The following CTBP2 variants were observed in gnomAD, a reference collection of about 807,000 sequenced individuals.
The protein encoded by CTBP2 is C-terminal-binding protein 2.
Under a neutral mutation model 80.3 loss-of-function variants are expected in CTBP2, and 30 were observed. The ratio of observed to expected loss-of-function variants is 0.37; its 90% CI spans 0.28 to 0.51. CTBP2 has a LOEUF of 0.51. Ranked by LOEUF, CTBP2 falls within the 20% of genes least tolerant of loss-of-function variation. The pLI, the probability that CTBP2 is intolerant of heterozygous loss-of-function variation, is 0.93. For synonymous variants in CTBP2, 594 were observed against 587.4 expected (o/e 1.01, Z -0.16); for missense variants, 1,212 against 1,375.3 (o/e 0.88, Z 1.88).
chr10:125,121,770 C>G (rs1037644223), intron 1 of CTBP2, among the ~76,000 whole-genome samples: 1 of 152,242 alleles, frequency 6.6e-6, no homozygotes, highest in Non-Finnish European at 1.5e-5. Flanking sequence ...AGACCATCAG[C>G]AACAAACTCC....
In CTBP2 at chr10:124,987,515, C is replaced by G. The variant is rs1201552041; in HGVS notation, c.*2003G>C. The stretch of plus-strand genomic sequence containing the variant: ...CACATATTCGTGAAGGTAAGATATT[C>G]TGTGTGCGCTTGGCCTCCTTTTCAC... On this transcript the variant is annotated 3_prime_UTR_variant, in exon 9 of 9. Coordinates refer to ENST00000309035, the MANE Select transcript of CTBP2 (RefSeq NM_022802.3). 3 of 152,314 alleles carry G rather than the reference C, an allele frequency of 2.0e-5. No individual in the cohort carries two copies. Among genetic ancestry groups the G allele is most frequent in the East Asian group, 3.9e-4 (2 of 5,184 alleles). The allele number at this position is 152,314 out of a possible 1,614,324, so 9.4% of individuals were successfully genotyped here.
chr10:125,031,411 C>CA (rs1958177861), upstream of CTBP2, among the ~76,000 whole-genome samples: 1 of 145,694 alleles, frequency 6.9e-6, no homozygotes, highest in African/African-American at 2.6e-5. Context: ...ATGGCGTGAA[C>CA]CCGGGAGGTG....
intron 1 of CTBP2, chr10:125,159,755 G>A (rs1389925146): frequency 7.0e-6 from 1 of 143,196 alleles, no homozygotes; most frequent in Non-Finnish European, 1.5e-5. Context: ...GCCGCACCCC[G>A]GCGCGCTCGG....
intron 2 of CTBP2, among the ~76,000 whole-genome samples, chr10:125,063,044 G>A (rs1038757985): frequency 1.3e-5 from 2 of 152,178 alleles, no homozygotes; most frequent in Non-Finnish European, 2.9e-5. Flanking sequence ...CCAAAGAAAG[G>A]ACAGCTCCCC....
At chr10:125,146,733 A>G (rs1040092505) in intron 1 of CTBP2, among the ~76,000 whole-genome samples, 1 of 152,100 alleles carries the variant, frequency 6.6e-6, no homozygotes, top group Non-Finnish European at 1.5e-5. Context: ...CCTACTATTC[A>G]CACCTGGAGC....
At chr10:125,047,998 C>T (rs780431253) in intron 2 of CTBP2, among the ~76,000 whole-genome samples, 2 of 152,156 alleles carry the variant, frequency 1.3e-5, no homozygotes, top group Non-Finnish European at 2.9e-5. Flanking sequence ...GGCCTGGAAT[C>T]CTCGACTGAT....
intron 1 of CTBP2, among the ~76,000 whole-genome samples, chr10:125,022,449 G>C (rs1378407638): frequency 6.6e-6 from 1 of 152,208 alleles, no homozygotes; most frequent in Non-Finnish European, 1.5e-5. Context: ...AGGTCAATGA[G>C]GAAGGATGGA....
At chr10:124,999,124 A>C (rs1458032650) in intron 3 of CTBP2, 1 of 152,330 alleles carries the variant, frequency 6.6e-6, no homozygotes, top group Non-Finnish European at 1.5e-5. Context: ...AGCAGAGACC[A>C]GAGGGGCCGA....
chr10:125,068,848 T>G (rs1845029167), intron 2 of CTBP2, among the ~76,000 whole-genome samples: 1 of 152,188 alleles, frequency 6.6e-6, no homozygotes. Flanking sequence ...CAGGGTTGCT[T>G]TGCCCTGCTG....
chr10:125,100,025 T>C (rs926137769), intron 2 of CTBP2, among the ~76,000 whole-genome samples: 1 of 152,248 alleles, frequency 6.6e-6, no homozygotes, highest in Non-Finnish European at 1.5e-5. Context: ...AGATCACACA[T>C]AGACTCTGAA....
rs113218897 is a variant in CTBP2, at chr10:125,069,598, C to G, written c.-101-30443G>C. Among the ~76,000 whole-genome samples, 409 of 152,234 alleles carry G rather than the reference C, an allele frequency of 2.7e-3. 2 individuals carry two copies. The highest frequency in any genetic ancestry group is 5.6e-3 in the Admixed American group (86 of 15,288). ...TCGTGCCATTGCACACCAGCCTGGG[C>G]GACAGAGTGAGACTTCATCTCAAAC... is the stretch of plus-strand genomic sequence containing the variant. On this transcript the variant is annotated intron_variant, in intron 2 of 10. Transcript: ENST00000337195.
chr10:125,021,962 C>T (rs923808551), intron 1 of CTBP2, among the ~76,000 whole-genome samples: 3 of 152,222 alleles, frequency 2.0e-5, no homozygotes, highest in Non-Finnish European at 4.4e-5. Context: ...GGGCAGAGTC[C>T]TGGCTATGTG....
At position 125,026,629 on chromosome 10, in the gene CTBP2, T is replaced by A. The variant is rs535621897; in HGVS notation, c.1131A>T (p.Glu377Asp). ...GAGAAGCCAAGTCACCATGGAGCAG[T>A]TCGCTTCGGTGGCTGAAGCTGCTGG... The change falls in exon 1 of 9, where the codon GAA (glutamate) becomes GAT (aspartate). Residue 377 changes from glutamate to aspartate, a missense_variant. This residue lies in a region of CTBP2 where 848 missense variants were observed against 782.3 expected (regional missense o/e 1.08). Coordinates refer to ENST00000309035, the MANE Select transcript of CTBP2 (RefSeq NM_022802.3). 1,319 of 1,527,802 alleles carry A rather than the reference T, an allele frequency of 8.6e-4. No individual in the cohort carries two copies. Among genetic ancestry groups the A allele is most frequent in the Non-Finnish European group, 1.1e-3 (1,235 of 1,123,444 alleles). The allele number at this position is 1,527,802 out of a possible 1,614,324, so 94.6% of individuals were successfully genotyped here.
intron 3 of CTBP2, among the ~76,000 whole-genome samples, chr10:125,001,854 G>A (rs1322175048): frequency 6.6e-6 from 1 of 152,224 alleles, no homozygotes; most frequent in African/African-American, 2.4e-5. Flanking sequence ...TACACTCCAT[G>A]CCCCAGGCTA....
chr10:125,017,309 A>G (rs1956596443), intron 1 of CTBP2, among the ~76,000 whole-genome samples: 1 of 152,188 alleles, frequency 6.6e-6, no homozygotes, highest in South Asian at 2.1e-4. Flanking sequence ...GCTTCTTTGG[A>G]GAGGCGATAA....
intron 1 of CTBP2, among the ~76,000 whole-genome samples, chr10:125,121,765 A>G (rs910528556): frequency 1.3e-5 from 2 of 152,248 alleles, no homozygotes; most frequent in East Asian, 3.9e-4. Context: ...CCCCCAGACC[A>G]TCAGCAACAA....
chr10:124,994,574 C>A lies in CTBP2; in HGVS notation c.2295G>T (p.Arg765Ser). The change falls in exon 5 of 9, where the codon AGG becomes AGT. Residue 765 changes from arginine (R) to serine (S), a missense_variant. Coordinates refer to ENST00000309035, the MANE Select transcript of CTBP2 (RefSeq NM_022802.3). ...ACAGCAAATCCTGCAGGGTGTAGAC[C>A]CTCTGCACGCCCAGGGACCGCTCGA... 1 of 1,613,976 alleles carries A rather than the reference C, an allele frequency of 6.2e-7. No homozygotes were observed. The highest frequency in any genetic ancestry group is 2.2e-5 in the East Asian group (1 of 44,880).
chr10:125,152,752 GGTCT>G (rs1341160096), intron 1 of CTBP2, among the ~76,000 whole-genome samples: 8 of 152,150 alleles, frequency 5.3e-5, no homozygotes, highest in Admixed American at 4.6e-4. Context: ...AAAGGAATCA[GGTCT>G]GTCTCTGCCT....
chr10:125,099,328 G>C (rs766260481), intron 2 of CTBP2, among the ~76,000 whole-genome samples: 4 of 152,220 alleles, frequency 2.6e-5, no homozygotes, highest in Admixed American at 1.3e-4. Flanking sequence ...AAGCTGTGCA[G>C]CGTCTGGCAC....
Sources: gnomAD v4.1 joint callset for allele counts (sites outside exome capture counted in the v4.1 genomes callset) on GRCh38, gnomAD v4.1.1 for gene constraint, gnomAD v4.1.1 regional missense constraint, MANE v1.5 for transcripts, NCBI Gene and HGNC (gene_info 2026-07-23, HGNC 2026-07-21) for gene names.